MEMO1: variants seen among roughly 807,000 people sequenced by gnomAD.
The protein encoded by MEMO1 is protein MEMO1.
MEMO1 carries 6 observed loss-of-function variants against 45.2 expected under a neutral mutation model. That is an observed-to-expected ratio of 0.13 (90% CI 0.07 to 0.26). The LOEUF (loss-of-function observed/expected upper bound fraction) is 0.26. Ranked by LOEUF, MEMO1 falls within the 10% of genes least tolerant of loss-of-function variation. MEMO1 has a pLI of 1.00. For synonymous variants in MEMO1, 78 were observed against 124.3 expected (o/e 0.63, Z 2.48); for missense variants, 184 against 370.5 (o/e 0.50, Z 4.13).
intron 2 of MEMO1, among the ~76,000 whole-genome samples, chr2:31,981,875 T>C (rs973792127): frequency 6.6e-6 from 1 of 152,168 alleles, no homozygotes; most frequent in African/African-American, 2.4e-5. Flanking sequence ...GTCAGACCCA[T>C]ATAACTGAAA....
chr2:31,965,912 T>A (rs1668560342), intron 2 of MEMO1, among the ~76,000 whole-genome samples: 1 of 152,152 alleles, frequency 6.6e-6, no homozygotes, highest in South Asian at 2.1e-4. Context: ...CAAACCACCA[T>A]GGCATACGTT....
chr2:31,881,899 T>C (rs984027982), intron 8 of MEMO1, among the ~76,000 whole-genome samples: 2 of 152,070 alleles, frequency 1.3e-5, no homozygotes, highest in Non-Finnish European at 2.9e-5. Context: ...ATCCCAGGAC[T>C]TTTGAGAGGC....
chr2:32,002,271 A>G (rs1162142750), intron 2 of MEMO1, among the ~76,000 whole-genome samples: 34 of 146,780 alleles, frequency 2.3e-4, no homozygotes, highest in African/African-American at 8.4e-4. Flanking sequence ...ATACATACAC[A>G]TATATACATG....
At chr2:31,972,521 G>A (rs1669529589) in intron 2 of MEMO1, among the ~76,000 whole-genome samples, 1 of 152,214 alleles carries the variant, frequency 6.6e-6, no homozygotes, top group African/African-American at 2.4e-5. Context: ...GACCAGCCTG[G>A]CCAACATGGT....
rs6738451 is a variant in MEMO1, at chr2:31,925,876, G to A, written c.213-4966C>T. Among the ~76,000 whole-genome samples the A allele has an allele frequency of 2.2e-3, 338 of 152,134 alleles. 4 individuals are homozygous for A. The highest frequency in any genetic ancestry group is 7.3e-3 in the African/African-American group (302 of 41,492). On this transcript the variant is annotated intron_variant, in intron 4 of 9. Transcript: ENST00000404530. The stretch of plus-strand genomic sequence containing the variant: ...TAGGTATCTTTTTAATATTCTATAT[G>A]ACAAAATGCATTCAATCTGTGGTGA...
chr2:32,005,110 G>A (rs1385405153), intron 2 of MEMO1, among the ~76,000 whole-genome samples: 1 of 151,930 alleles, frequency 6.6e-6, no homozygotes, highest in African/African-American at 2.4e-5. Flanking sequence ...GCAACAGAAT[G>A]AACAAAGTAC....
intron 4 of MEMO1, among the ~76,000 whole-genome samples, chr2:31,927,031 T>C (rs1006971866): frequency 1.3e-5 from 2 of 152,120 alleles, no homozygotes; most frequent in South Asian, 2.1e-4. Flanking sequence ...AATGAATTTA[T>C]ACAAAGTACA....
chr2:31,971,745 G>A (rs950160718), intron 2 of MEMO1, among the ~76,000 whole-genome samples: 1 of 152,270 alleles, frequency 6.6e-6, no homozygotes, highest in Admixed American at 6.5e-5. Context: ...CGAGGTGGGA[G>A]GATTACCTGA....
chr2:31,874,597 C>T (rs1369363932), intron 8 of MEMO1, among the ~76,000 whole-genome samples: 1 of 151,744 alleles, frequency 6.6e-6, no homozygotes. Context: ...TTAAAAAGGA[C>T]CAAAACTTAA....
intron 2 of MEMO1, among the ~76,000 whole-genome samples, chr2:31,947,317 C>T (rs1666306672): frequency 6.6e-6 from 1 of 152,144 alleles, no homozygotes; most frequent in Non-Finnish European, 1.5e-5. Flanking sequence ...AAGGTAAGAG[C>T]CAAACTCCAA....
chr2:31,924,997 A>G (rs1209139897), intron 4 of MEMO1, among the ~76,000 whole-genome samples: 2 of 152,112 alleles, frequency 1.3e-5, no homozygotes, highest in Non-Finnish European at 2.9e-5. Context: ...AAAATCTAGA[A>G]TCCTTAAAAT....
chr2:31,992,323 T>C (rs1365472424), intron 2 of MEMO1, among the ~76,000 whole-genome samples: 2 of 152,154 alleles, frequency 1.3e-5, no homozygotes, highest in Non-Finnish European at 2.9e-5. Context: ...AAGGGCAGAG[T>C]TGACTAGCTG....
At chr2:31,983,259 TA>T (rs531581298) in intron 2 of MEMO1, among the ~76,000 whole-genome samples, 5 of 151,888 alleles carry the variant, frequency 3.3e-5, no homozygotes, top group African/African-American at 4.8e-5. Flanking sequence ...AGACTCTGCC[TA>T]AAAAAAATTT....
intron 2 of MEMO1, among the ~76,000 whole-genome samples, chr2:31,998,900 T>C (rs1169890576): frequency 6.6e-6 from 1 of 152,176 alleles, no homozygotes; most frequent in African/African-American, 2.4e-5. Flanking sequence ...TACATACACT[T>C]GACTGTACAG....
intron 7 of MEMO1, among the ~76,000 whole-genome samples, chr2:31,889,145 G>T (rs542575040): frequency 6.6e-6 from 1 of 152,182 alleles, no homozygotes; most frequent in Non-Finnish European, 1.5e-5. Flanking sequence ...ACAATATAGA[G>T]AGAACCAATG....
chr2:31,929,740 A>G (rs1683667672), intron 4 of MEMO1, among the ~76,000 whole-genome samples: 1 of 152,238 alleles, frequency 6.6e-6, no homozygotes, highest in South Asian at 2.1e-4. Flanking sequence ...ATATAGAACA[A>G]AAATGGATTA....
At chr2:31,921,929 G>C (rs1284581083) in intron 4 of MEMO1, among the ~76,000 whole-genome samples, 1 of 152,068 alleles carries the variant, frequency 6.6e-6, no homozygotes, top group East Asian at 1.9e-4. Context: ...TCTTTATCTT[G>C]ACATCAAGAG....
chr2:31,994,028 T>TCGG lies in MEMO1; in HGVS notation c.61+16156_61+16158dup, dbSNP rs1672270889. On this transcript the variant is annotated intron_variant, in intron 2 of 9. Coordinates refer to ENST00000404530, the MANE Select transcript of MEMO1 (RefSeq NM_001301833.4). Reference sequence around the variant, plus strand: ...CAGGCTTGAGTGCAGTGACATGATCTCGGCTCACTGCAACCTCTGCCTCCC... The same window carrying TCGG: ...CAGGCTTGAGTGCAGTGACATGATCTCGGCGGCTCACTGCAACCTCTGCCTCCC... Among the ~76,000 whole-genome samples the TCGG allele has an allele frequency of 2.2e-5, 3 of 136,558 alleles. No individual in the cohort carries two copies. The South Asian group carries it at 8.0e-4, about 36-fold the overall frequency. 89.6% of individuals were successfully genotyped at this position (136,558 alleles called of 152,430 possible).
intron 2 of MEMO1, among the ~76,000 whole-genome samples, chr2:31,953,454 A>ATTTTTT (rs148325193): frequency 1.4e-5 from 2 of 143,936 alleles, no homozygotes; most frequent in Non-Finnish European, 3.0e-5. Context: ...CTTTCATAAG[A>ATTTTTT]TTTTTTTTTT....
Sources: gnomAD v4.1 joint callset for allele counts (sites outside exome capture counted in the v4.1 genomes callset) on GRCh38, gnomAD v4.1.1 for gene constraint, MANE v1.5 for transcripts, NCBI Gene and HGNC (gene_info 2026-07-23, HGNC 2026-07-21) for gene names.